Variants in LRRC49 observed in about 807,000 individuals in gnomAD.
LRRC49 encodes leucine rich repeat containing 49.
LRRC49 carries 50 observed loss-of-function variants against 83.3 expected under a neutral mutation model. The observed-to-expected ratio is 0.60, with a 90% CI of 0.48 to 0.76. LRRC49 has a LOEUF of 0.76. LRRC49 is among the 30% of genes least tolerant of loss of function. LRRC49 has a pLI of 0.00. For synonymous variants in LRRC49, 286 were observed against 283.3 expected, an observed-to-expected ratio of 1.01 and a Z score of -0.10; for missense variants, 704 against 809.1, an observed-to-expected ratio of 0.87 and a Z score of 1.58.
At chr15:71,033,904 TA>T (rs2141293535) in intron 14 of LRRC49, among the ~76,000 whole-genome samples, 1 of 152,184 alleles carries the variant, frequency 6.6e-6, no homozygotes, top group South Asian at 2.1e-4. Flanking sequence ...ATTAAAGACT[TA>T]AATGTAAAAC....
chr15:71,040,819 CAAAAA>C lies in LRRC49; in HGVS notation c.1857+3503_1857+3507del, dbSNP rs57206118. Among the ~76,000 whole-genome samples, 11 of 98,826 alleles carry C rather than the reference CAAAAA, an allele frequency of 1.1e-4. No individual in the cohort carries two copies. The East Asian group carries it at 2.7e-3, about 24-fold the overall frequency. The allele number at this position is 98,826 out of a possible 152,430, so 64.8% of individuals were successfully genotyped here. Reference sequence around the variant, plus strand: ...TGGGCAACAAAGCAAGACTCCGTCTCAAAAAAAAAAAAAAAAAAAAGGATTCAAGC... The same window carrying C: ...TGGGCAACAAAGCAAGACTCCGTCTCAAAAAAAAAAAAAAAGGATTCAAGC... On this transcript the variant is annotated intron_variant, in intron 15 of 15. Transcript: ENST00000260382.
chr15:71,033,840 G>A (rs878941563), intron 14 of LRRC49, among the ~76,000 whole-genome samples: 1 of 152,130 alleles, frequency 6.6e-6, no homozygotes, highest in Non-Finnish European at 1.5e-5. Flanking sequence ...GCCATATGCA[G>A]AAAATTGAAA....
chr15:70,978,273 A>T (rs2037278460), intron 9 of LRRC49, among the ~76,000 whole-genome samples: 2 of 152,094 alleles, frequency 1.3e-5, no homozygotes, highest in African/African-American at 2.4e-5. Flanking sequence ...GTGATTTGGG[A>T]TCTTTGCTCT....
chr15:70,866,877 A>G (rs11072229), intron 1 of LRRC49, among the ~76,000 whole-genome samples: 82,817 of 151,434 alleles, frequency 0.55, 23,405 homozygotes, highest in Admixed American at 0.69. Flanking sequence ...CCAAGTAGAG[A>G]TTGGGGTTGG....
At chr15:70,911,406 A>G (rs1221549345) in intron 5 of LRRC49, 126 bp from the exon 6 acceptor site, 4 of 439,760 alleles carry the variant, frequency 9.1e-6, no homozygotes, top group Non-Finnish European at 1.7e-5. Flanking sequence ...ATTGTTGAAT[A>G]TATATATAAC....
intron 11 of LRRC49, among the ~76,000 whole-genome samples, chr15:71,004,269 A>G (rs1366235927): frequency 6.6e-6 from 1 of 152,136 alleles, no homozygotes; most frequent in African/African-American, 2.4e-5. Flanking sequence ...CCCATTATTG[A>G]GTGTATACCC....
chr15:71,019,952 T>C (rs1401457264), intron 14 of LRRC49, among the ~76,000 whole-genome samples: 1 of 152,096 alleles, frequency 6.6e-6, no homozygotes, highest in East Asian at 1.9e-4. Context: ...TAAGACATCA[T>C]GTAAAAGAAC....
At position 71,049,688 on chromosome 15, in the gene LRRC49, AAAC is replaced by A. The variant is rs762644094; in HGVS notation, c.*87_*89del. ...GAAAATATGCAGGTTATACATGTTAAAACAACAACAACACTATCCTATAAACTA... is the reference window on the plus strand; with the variant it reads ...GAAAATATGCAGGTTATACATGTTAAAACAACAACACTATCCTATAAACTA... On this transcript the variant is annotated 3_prime_UTR_variant, in exon 16 of 16. Transcript: ENST00000260382. 2.0e-5 allele frequency: 18 copies of A among 884,332 alleles called. No individual in the cohort carries two copies. The highest frequency in any genetic ancestry group is 1.7e-4 in the East Asian group (7 of 40,962). The allele number at this position is 884,332 out of a possible 1,614,324, so 54.8% of individuals were successfully genotyped here.
intron 14 of LRRC49, among the ~76,000 whole-genome samples, chr15:71,014,177 G>A (rs950578607): frequency 6.6e-6 from 1 of 152,076 alleles, no homozygotes; most frequent in African/African-American, 2.4e-5. Context: ...GATGTAGAAA[G>A]AAATCGGTAA....
intron 8 of LRRC49, among the ~76,000 whole-genome samples, chr15:70,950,846 A>C (rs1261987496): frequency 6.6e-6 from 1 of 152,082 alleles, no homozygotes; most frequent in Non-Finnish European, 1.5e-5. Flanking sequence ...GCCAACGTCC[A>C]GAATGGTATT....
chr15:70,981,071 A>G (rs1233278207), intron 10 of LRRC49, among the ~76,000 whole-genome samples: 2 of 152,108 alleles, frequency 1.3e-5, no homozygotes, highest in African/African-American at 4.8e-5. Flanking sequence ...TAGTATTTTT[A>G]TTTTTAGTAA....
At chr15:70,899,444 G>A (rs2033976517) in intron 3 of LRRC49, among the ~76,000 whole-genome samples, 1 of 151,794 alleles carries the variant, frequency 6.6e-6, no homozygotes. Context: ...ACTGACTTGT[G>A]GTTGCTTTTA....
In LRRC49 at chr15:71,053,097, A is replaced by C. The variant is rs1298050539; in HGVS notation, c.*3485A>C. Reference sequence around the variant, plus strand: ...TCATTGCAATAATGTGTAGAGAATCAACTTCAGGAGGGGGCAATAATTAAA... The same window carrying C: ...TCATTGCAATAATGTGTAGAGAATCCACTTCAGGAGGGGGCAATAATTAAA... On this transcript the variant is annotated 3_prime_UTR_variant, in exon 16 of 16. Transcript: ENST00000260382. 1 of 152,252 alleles carries C rather than the reference A, an allele frequency of 6.6e-6. No homozygotes were observed. Among genetic ancestry groups the C allele is most frequent in the Non-Finnish European group, 1.5e-5 (1 of 68,058 alleles). 9.4% of individuals were successfully genotyped at this position (152,252 alleles called of 1,614,324 possible). A position where few individuals can be genotyped will look rare whatever the true frequency, so the allele number is the denominator to read the frequency against.
At chr15:70,893,123 G>C in intron 1 of LRRC49, 181 bp downstream of exon 1, 1 of 667,124 alleles carries the variant, frequency 1.5e-6, no homozygotes, top group Non-Finnish European at 2.6e-6. Flanking sequence ...TGTATGATGG[G>C]TACTCAAAGT....
At chr15:70,941,498 A>AT (rs2035813129) in intron 8 of LRRC49, among the ~76,000 whole-genome samples, 1 of 140,636 alleles carries the variant, frequency 7.1e-6, no homozygotes, top group Admixed American at 7.1e-5. Flanking sequence ...AGTAGAGAGT[A>AT]AAAAAAAAAA....
chr15:70,901,122 C>T, intron 4 of LRRC49, 98 bp downstream of exon 4: 2 of 675,748 alleles, frequency 3.0e-6, no homozygotes, highest in Non-Finnish European at 5.0e-6. Context: ...TCCTCCTGTT[C>T]CCCAGTTATT....
intron 8 of LRRC49, among the ~76,000 whole-genome samples, chr15:70,957,429 T>G (rs893175550): frequency 4.6e-5 from 7 of 152,248 alleles, no homozygotes; most frequent in Non-Finnish European, 1.0e-4. Flanking sequence ...TTAAATATCA[T>G]GTTATCCTTT....
chr15:70,979,451 T>C (rs2037321763), intron 9 of LRRC49, among the ~76,000 whole-genome samples: 1 of 151,956 alleles, frequency 6.6e-6, no homozygotes, highest in Non-Finnish European at 1.5e-5. Context: ...TTCACCTGAT[T>C]ATCTTTTTTT....
At chr15:71,026,597 G>A (rs1014042125) in intron 14 of LRRC49, among the ~76,000 whole-genome samples, 5 of 152,052 alleles carry the variant, frequency 3.3e-5, no homozygotes, top group African/African-American at 9.7e-5. Flanking sequence ...CCACAGCTTC[G>A]CCAGCATCTG....
Sources: allele counts gnomAD v4.1 joint callset (sites outside exome capture counted in the v4.1 genomes callset), GRCh38; gene constraint gnomAD v4.1.1; transcripts MANE v1.5; gene names NCBI Gene and HGNC (gene_info 2026-07-23, HGNC 2026-07-21).